Variants in FOXP2 observed in about 807,000 individuals in gnomAD.
The protein encoded by FOXP2 is forkhead box P2, also known as forkhead box protein P2.
Under a neutral mutation model 115.8 loss-of-function variants are expected in FOXP2, and 12 were observed. That is an observed-to-expected ratio of 0.10 (90% CI 0.07 to 0.17). FOXP2 has a LOEUF of 0.17. Ranked by LOEUF, FOXP2 falls within the 10% of genes least tolerant of loss-of-function variation. The pLI, the probability that FOXP2 is intolerant of heterozygous loss-of-function variation, is 1.00. For synonymous variants in FOXP2, 328 were observed against 297.7 expected, an observed-to-expected ratio of 1.10 and a Z score of -1.05; for missense variants, 629 against 843.5, an observed-to-expected ratio of 0.75 and a Z score of 3.15.
chr7:114,147,377 C>T lies in FOXP2; in HGVS notation c.-246-15567C>T, dbSNP rs529827521. Among the ~76,000 whole-genome samples the T allele has an allele frequency of 2.6e-4, 40 of 152,150 alleles. 1 individual carries two copies. The South Asian group carries it at 7.9e-3, about 30-fold the overall frequency. ...TATATTTTGTAGTGTGATATGGTTT[C>T]GTGCAGAGGGCAGGAGACACATTAG... On this transcript the variant is annotated intron_variant, in intron 1 of 19. Transcript: ENST00000635638.
intron 14 of FOXP2, 131 bp from the exon 15 acceptor site, chr7:114,663,319 G>C (rs527991877): frequency 5.1e-5 from 33 of 647,928 alleles, no homozygotes; most frequent in African/African-American, 4.6e-4. Flanking sequence ...CCTTATTTTT[G>C]TGGCCTTATA....
intron 3 of FOXP2, among the ~76,000 whole-genome samples, chr7:114,586,816 TC>T (rs1802159442): frequency 6.6e-6 from 1 of 152,046 alleles, no homozygotes; most frequent in African/African-American, 2.4e-5. Flanking sequence ...TAGGTTTTTT[TC>T]CTAATTAATG....
rs560659088 is a variant in FOXP2 at position 114,612,195 on chromosome 7, G to T, written c.259-16345G>T. On this transcript the variant is annotated intron_variant, in intron 3 of 16. Coordinates refer to ENST00000350908, the MANE Select transcript of FOXP2 (RefSeq NM_014491.4). ...ACTGAGTGTTTGATATCCTGGATTT[G>T]ATCTGGAAGATATTGAGACTGGAGG... Among the ~76,000 whole-genome samples, 29 of 152,116 alleles carry T rather than the reference G, an allele frequency of 1.9e-4. No homozygotes were observed. The South Asian group carries it at 6.0e-3, about 32-fold the overall frequency.
chr7:114,318,552 A>G (rs1056019926), intron 2 of FOXP2, among the ~76,000 whole-genome samples: 4 of 151,966 alleles, frequency 2.6e-5, no homozygotes, highest in Non-Finnish European at 5.9e-5. Context: ...TTTAAAAATT[A>G]CTGTTTCAGG....
intron 16 of FOXP2, among the ~76,000 whole-genome samples, chr7:114,671,001 A>G (rs990313324): frequency 5.9e-5 from 9 of 151,956 alleles, no homozygotes; most frequent in African/African-American, 1.9e-4. Flanking sequence ...GTTTTCATAG[A>G]TTTTTTAATT....
intron 8 of FOXP2, among the ~76,000 whole-genome samples, chr7:114,647,070 A>G (rs1004358321): frequency 6.6e-6 from 1 of 151,916 alleles, no homozygotes; most frequent in African/African-American, 2.4e-5. Context: ...TTAGGAAAAT[A>G]TTATTGTGCA....
intron 3 of FOXP2, among the ~76,000 whole-genome samples, chr7:114,580,386 T>C (rs1267216803): frequency 6.6e-6 from 1 of 152,190 alleles, no homozygotes; most frequent in African/African-American, 2.4e-5. Context: ...GAGACCAGCC[T>C]GACCAACATG....
intron 3 of FOXP2, among the ~76,000 whole-genome samples, chr7:114,595,650 G>A (rs1802655494): frequency 6.6e-6 from 1 of 151,942 alleles, no homozygotes; most frequent in Non-Finnish European, 1.5e-5. Flanking sequence ...GTCAAATGAG[G>A]GGCAAGCATT....
chr7:114,557,402 G>A (rs997624104), intron 3 of FOXP2, among the ~76,000 whole-genome samples: 3 of 152,056 alleles, frequency 2.0e-5, no homozygotes, highest in Non-Finnish European at 4.4e-5. Flanking sequence ...TCTGAAAATC[G>A]CATTAAGACA....
intron 1 of FOXP2, among the ~76,000 whole-genome samples, chr7:114,214,947 G>C (rs1391019037): frequency 6.6e-6 from 1 of 152,040 alleles, no homozygotes; most frequent in Non-Finnish European, 1.5e-5. Flanking sequence ...ATGAGAATTT[G>C]TTTAAAATTA....
intron 2 of FOXP2, among the ~76,000 whole-genome samples, chr7:114,312,661 A>G (rs1306170383): frequency 2.0e-5 from 3 of 152,216 alleles, no homozygotes; most frequent in Admixed American, 6.5e-5. Context: ...ATTACAGCAC[A>G]GCAGGCAGCA....
intron 2 of FOXP2, among the ~76,000 whole-genome samples, chr7:114,437,872 A>G (rs1037742623): frequency 6.6e-6 from 1 of 152,266 alleles, no homozygotes; most frequent in Admixed American, 6.5e-5. Context: ...AGTTCAGTTC[A>G]TGGTTATTAA....
At chr7:114,174,267 T>C (rs1793228308) in intron 1 of FOXP2, among the ~76,000 whole-genome samples, 1 of 152,010 alleles carries the variant, frequency 6.6e-6, no homozygotes, top group South Asian at 2.1e-4. Context: ...ATATTTTATG[T>C]AGCCACTTAT....
intron 1 of FOXP2, among the ~76,000 whole-genome samples, chr7:114,132,541 T>TTGTG (rs145500210): frequency 1.0e-3 from 92 of 90,648 alleles, no homozygotes; most frequent in African/African-American, 2.6e-3. Context: ...AAAAGATAAA[T>TTGTG]TGTGTGTGTG....
chr7:114,603,487 T>G (rs954920576), intron 3 of FOXP2, among the ~76,000 whole-genome samples: 2 of 152,224 alleles, frequency 1.3e-5, no homozygotes, highest in Non-Finnish European at 2.9e-5. Flanking sequence ...AATTAATTGG[T>G]AGCAGAGTTT....
At chr7:114,613,786 A>C (rs369247312) in intron 3 of FOXP2, 2 of 151,740 alleles carry the variant, frequency 1.3e-5, no homozygotes, top group Admixed American at 6.6e-5. Context: ...AATGTTTTTA[A>C]GACCTACAGC....
intron 1 of FOXP2, among the ~76,000 whole-genome samples, chr7:114,141,687 G>A (rs1015062207): frequency 6.6e-6 from 1 of 152,150 alleles, no homozygotes; most frequent in African/African-American, 2.4e-5. Flanking sequence ...CTTCCTTTGT[G>A]TGTGGCGGCA....
intron 16 of FOXP2, among the ~76,000 whole-genome samples, chr7:114,679,154 G>A (rs761892859): frequency 4.6e-5 from 7 of 151,694 alleles, no homozygotes; most frequent in Non-Finnish European, 8.8e-5. Flanking sequence ...TAGCAGAGAT[G>A]GGGTTTCACC....
intron 3 of FOXP2, among the ~76,000 whole-genome samples, chr7:114,582,088 A>G (rs1801900691): frequency 1.3e-5 from 2 of 152,216 alleles, no homozygotes; most frequent in African/African-American, 4.8e-5. Context: ...GGAGATGTTG[A>G]CAGTGGCAAT....
Sources: gnomAD v4.1 joint callset for allele counts (sites outside exome capture counted in the v4.1 genomes callset) on GRCh38, gnomAD v4.1.1 for gene constraint, MANE v1.5 for transcripts, NCBI Gene and HGNC (gene_info 2026-07-23, HGNC 2026-07-21) for gene names.